DHRSX: variants seen among roughly 807,000 people sequenced by gnomAD.
The protein encoded by DHRSX is dehydrogenase/reductase X-linked, also known as polyprenol dehydrogenase.
In DHRSX, 31 loss-of-function variants were observed where a neutral mutation model predicts 34.0. The ratio of observed to expected loss-of-function variants is 0.91; its 90% CI spans 0.69 to 1.23. The LOEUF is 1.23. Ranked by LOEUF, DHRSX falls within the 50% of genes most tolerant of loss-of-function variation. The pLI, the probability that DHRSX is intolerant of heterozygous loss-of-function variation, is 0.00. For synonymous variants in DHRSX, 201 were observed against 183.8 expected, an observed-to-expected ratio of 1.09 and a Z score of -0.76; for missense variants, 414 against 428.1, an observed-to-expected ratio of 0.97 and a Z score of 0.29.
At chrX:2,410,589 G>A (rs978269138) in intron 2 of DHRSX, among the ~76,000 whole-genome samples, 9 of 152,216 alleles carry the variant, frequency 5.9e-5, no homozygotes, top group Admixed American at 5.2e-4. Flanking sequence ...CTAACACAAG[G>A]AAGAGACCAT....
chrX:2,452,479 G>C (rs1041804079), intron 1 of DHRSX, among the ~76,000 whole-genome samples: 1 of 151,864 alleles, frequency 6.6e-6, no homozygotes, highest in African/African-American at 2.4e-5. Flanking sequence ...ACACACTGAA[G>C]ACGTTCCCTA....
At chrX:2,378,578 G>T (rs145764051) in intron 3 of DHRSX, among the ~76,000 whole-genome samples, 7,052 of 152,072 alleles carry the variant, frequency 0.046, 251 homozygotes, top group South Asian at 0.12. Flanking sequence ...TTACTTTATT[G>T]TAAGAATATA....
intron 3 of DHRSX, among the ~76,000 whole-genome samples, chrX:2,304,335 GAACT>G (rs1467976669): frequency 8.3e-5 from 11 of 132,086 alleles, no homozygotes; most frequent in South Asian, 2.4e-4. Context: ...ATGGATGGAT[GAACT>G]GATGGATGGA....
intron 5 of DHRSX, among the ~76,000 whole-genome samples, chrX:2,248,423 ACT>A (rs1478529252): frequency 2.8e-5 from 3 of 107,896 alleles, no homozygotes; most frequent in Non-Finnish European, 4.4e-5. Context: ...ACAGAGCGAG[ACT>A]CTGTCTCAAA....
At position 2,267,080 on chromosome X, in the gene DHRSX, C is replaced by T. The variant is rs2041485496; in HGVS notation, c.389-133G>A. On this transcript the variant is annotated intron_variant, in intron 4 of 6. Transcript: ENST00000334651. ...GTGTAGAGCTGGCGGCCATGTCTTCCTCCTGGGCCTCTGTTTCCTGCTTTA... is the reference window on the plus strand; with the variant it reads ...GTGTAGAGCTGGCGGCCATGTCTTCTTCCTGGGCCTCTGTTTCCTGCTTTA... 19 of 818,024 alleles carry T rather than the reference C, an allele frequency of 2.3e-5. No individual in the cohort carries two copies. The South Asian group carries it at 2.8e-4, about 12-fold the overall frequency. 50.7% of individuals were successfully genotyped at this position (818,024 alleles called of 1,614,324 possible). A position where few individuals can be genotyped will look rare whatever the true frequency, so the allele number is the denominator to read the frequency against.
At chrX:2,422,615 G>C (rs1362782994) in intron 2 of DHRSX, among the ~76,000 whole-genome samples, 3 of 152,070 alleles carry the variant, frequency 2.0e-5, no homozygotes. Context: ...CCTACAGTAT[G>C]ATGTTTATAA....
intron 3 of DHRSX, among the ~76,000 whole-genome samples, chrX:2,316,289 G>A (rs1294493967): frequency 6.6e-5 from 10 of 152,256 alleles, no homozygotes; most frequent in South Asian, 2.1e-4. Context: ...GGTGGCTCAC[G>A]CCTGTAATTC....
chrX:2,339,587 T>G (rs2124560678), intron 3 of DHRSX, among the ~76,000 whole-genome samples: 1 of 152,218 alleles, frequency 6.6e-6, no homozygotes, highest in African/African-American at 2.4e-5. Context: ...ATCATTCTCA[T>G]GCCTTTGTGT....
chrX:2,288,856 TG>T (rs1332385203), intron 4 of DHRSX, among the ~76,000 whole-genome samples: 1 of 152,224 alleles, frequency 6.6e-6, no homozygotes, highest in Non-Finnish European at 1.5e-5. Flanking sequence ...AGAATATTTT[TG>T]TTTGTTTCTG....
At chrX:2,403,856 CAAAA>C (rs529721291) in intron 3 of DHRSX, among the ~76,000 whole-genome samples, 3 of 90,142 alleles carry the variant, frequency 3.3e-5, no homozygotes, top group Admixed American at 1.3e-4. Context: ...AACTCTGTCT[CAAAA>C]AAAAAAAAAA....
intron 3 of DHRSX, among the ~76,000 whole-genome samples, chrX:2,300,006 G>C (rs1236166011): frequency 6.6e-6 from 1 of 152,102 alleles, no homozygotes; most frequent in African/African-American, 2.4e-5. Flanking sequence ...TTGATAAATA[G>C]GGATCAAGAA....
intron 3 of DHRSX, among the ~76,000 whole-genome samples, chrX:2,368,769 G>C (rs1312657407): frequency 6.6e-6 from 1 of 152,028 alleles, no homozygotes; most frequent in African/African-American, 2.4e-5. Context: ...AGAATCACTT[G>C]AACCTGGGAG....
intron 1 of DHRSX, among the ~76,000 whole-genome samples, chrX:2,476,334 G>A (rs1435803423): frequency 1.3e-5 from 2 of 151,508 alleles, no homozygotes; most frequent in Non-Finnish European, 2.9e-5. Flanking sequence ...GGAGATGTTG[G>A]CTGCAGTGAG....
At position 2,375,447 on chromosome X, in the gene DHRSX, C is replaced by T. The variant is rs930534623; in HGVS notation, c.286+33298G>A. Among the ~76,000 whole-genome samples the T allele has an allele frequency of 1.5e-4, 21 of 138,318 alleles. 1 individual carries two copies. The highest frequency in any genetic ancestry group is 5.2e-4 in the African/African-American group (21 of 40,712). The allele number at this position is 138,318 out of a possible 152,430, so 90.7% of individuals were successfully genotyped here. The stretch of plus-strand genomic sequence containing the variant: ...TCATCACTGTCTCCTCCCTTCCCCT[C>T]GCAGTTTATATTTAGCTGGGCACAC... On this transcript the variant is annotated intron_variant, in intron 3 of 6. Coordinates refer to ENST00000334651, the MANE Select transcript of DHRSX (RefSeq NM_145177.3).
At chrX:2,402,275 C>G (rs1488563441) in intron 3 of DHRSX, among the ~76,000 whole-genome samples, 17 of 152,242 alleles carry the variant, frequency 1.1e-4, no homozygotes, top group African/African-American at 1.7e-4. Context: ...TCAGCTCCCT[C>G]TGTCCCTCGC....
chrX:2,471,638 C>T (rs1430795343), intron 1 of DHRSX, among the ~76,000 whole-genome samples: 1 of 152,002 alleles, frequency 6.6e-6, no homozygotes, highest in Non-Finnish European at 1.5e-5. Context: ...ATCAGGCACC[C>T]CAAAGATTCC....
At chrX:2,244,302 CCT>C (rs780533250) in intron 5 of DHRSX, among the ~76,000 whole-genome samples, 8 of 150,520 alleles carry the variant, frequency 5.3e-5, no homozygotes, top group Admixed American at 1.3e-4. Flanking sequence ...GAGTAACGTG[CCT>C]CTCTCTCTCT....
At chrX:2,412,004 G>C (rs1356293391) in intron 2 of DHRSX, among the ~76,000 whole-genome samples, 2 of 152,158 alleles carry the variant, frequency 1.3e-5, no homozygotes, top group Non-Finnish European at 2.9e-5. Context: ...ATCTTCTTTG[G>C]CCAATGTCAC....
intron 4 of DHRSX, among the ~76,000 whole-genome samples, chrX:2,284,404 TTGAATGAATGAATGAA>T (rs750399883): frequency 4.0e-5 from 6 of 151,308 alleles, no homozygotes; most frequent in African/African-American, 1.2e-4. Flanking sequence ...ATGAATGAAT[TTGAATGAATGAATGAA>T]TGAATGAATG....
Sources: gnomAD v4.1 joint callset for allele counts (sites outside exome capture counted in the v4.1 genomes callset) on GRCh38, gnomAD v4.1.1 for gene constraint, MANE v1.5 for transcripts, NCBI Gene and HGNC (gene_info 2026-07-23, HGNC 2026-07-21) for gene names.